The following TRIM62 variants were observed in gnomAD, a reference collection of about 807,000 sequenced individuals.
TRIM62 encodes the protein tripartite motif containing 62.
Under a neutral mutation model 44.2 loss-of-function variants are expected in TRIM62, and 39 were observed. That is an observed-to-expected ratio of 0.88 (90% confidence interval 0.68 to 1.15). TRIM62 has a LOEUF of 1.15. Among genes scored for constraint, TRIM62 ranks in the 50% most tolerant of loss-of-function variants. The pLI is 0.00. For missense variants in TRIM62, 544 were observed against 665.5 expected (o/e 0.82, Z 2.01); for synonymous variants, 278 against 292.3 (o/e 0.95, Z 0.50).
At chr1:33,171,745 C>T (rs964435878) in intron 1 of TRIM62, among the ~76,000 whole-genome samples, 1 of 152,166 alleles carries the variant, frequency 6.6e-6, no homozygotes, top group Admixed American at 6.5e-5. Context: ...ACCCTCCCTC[C>T]ACCTTGGTTT....
chr1:33,165,688 T>G lies in TRIM62; in HGVS notation c.409-122A>C, dbSNP rs1485738536. Reference sequence around the variant, plus strand: ...CTGTCCCCAACCTCCAACACTTGCCTCCCGTCACAGTTCAACCACCAGCAA... The same window carrying G: ...CTGTCCCCAACCTCCAACACTTGCCGCCCGTCACAGTTCAACCACCAGCAA... On this transcript the variant is annotated intron_variant, in intron 1 of 4. Coordinates refer to ENST00000291416, the MANE Select transcript of TRIM62 (RefSeq NM_018207.3). The surrounding 1 kb of genome is among the most constrained non-coding windows in gnomAD (Gnocchi z 4.0). The G allele has an allele frequency of 1.3e-6, 1 of 753,198 alleles. No homozygotes were observed. The highest frequency in any genetic ancestry group is 2.0e-6 in the Non-Finnish European group (1 of 499,384). The allele number at this position is 753,198 out of a possible 1,614,324, so 46.7% of individuals were successfully genotyped here.
At chr1:33,157,605 T>C (rs1370824906) in intron 4 of TRIM62, among the ~76,000 whole-genome samples, 1 of 152,180 alleles carries the variant, frequency 6.6e-6, no homozygotes, top group Non-Finnish European at 1.5e-5. Flanking sequence ...TTTGCCTGTT[T>C]TGCTTACTAT....
rs1311427495 is a variant in TRIM62 at position 33,181,404 on chromosome 1, A to G, written c.29T>C (p.Leu10Pro). The G allele has an allele frequency of 1.9e-6, 3 of 1,602,414 alleles. No individual in the cohort carries two copies. The Admixed American group carries it at 5.1e-5, about 27-fold the overall frequency. ...GTAGATGCTCAGGCAGATGGAGCACAGCAGCTCGTCCTTGAGGCTGCACGC... is the reference window on the plus strand; with the variant it reads ...GTAGATGCTCAGGCAGATGGAGCACGGCAGCTCGTCCTTGAGGCTGCACGC... Reference protein sequence around the residue: MACSLKDELLCSICLSIYQD... With the variant: MACSLKDELPCSICLSIYQD... The change falls in exon 1 of 5, where the codon CTG becomes CCG. Residue 10 changes from leucine to proline, a missense_variant. Leu to Pro is a moderately conservative substitution (Grantham distance 98, BLOSUM62 -3). Transcript: ENST00000291416. This position sits in a 1 kb window ranked among gnomAD's most constrained non-coding sequence, Gnocchi z 6.5.
chr1:33,176,598 C>T lies in TRIM62; in HGVS notation c.408+4427G>A, dbSNP rs575268797. 7.6e-6 allele frequency: 4 copies of T among 523,994 alleles called. No homozygotes were observed. The South Asian group carries it at 1.0e-4, about 13-fold the overall frequency. 32.5% of individuals were successfully genotyped at this position (523,994 alleles called of 1,614,324 possible). A position where few individuals can be genotyped will look rare whatever the true frequency, so the allele number is the denominator to read the frequency against. On this transcript the variant is annotated intron_variant, in intron 1 of 4. Transcript: ENST00000291416. Reference sequence around the variant, plus strand: ...GTCTGCTCTGACCAAGATGACGTCCCAACCACCTGCCCTCGGGGCGTCAGC... The same window carrying T: ...GTCTGCTCTGACCAAGATGACGTCCTAACCACCTGCCCTCGGGGCGTCAGC...
rs1645209631 is a variant in TRIM62 at position 33,158,272 on chromosome 1, C to T, written c.858G>A (p.Leu286=). Residue 286 remains leucine, a synonymous_variant, in exon 4 of 5, where the codon CTG becomes CTA. Coordinates refer to ENST00000291416, the MANE Select transcript of TRIM62 (RefSeq NM_018207.3). ...GPLQYTIWKS[L]FQDIHPVPAA... Reference sequence around the variant, plus strand: ...CCTTACCTGGGTGGATGTCCTGGAACAGGGACTTCCAGATGGTGTACTGCA... The same window carrying T: ...CCTTACCTGGGTGGATGTCCTGGAATAGGGACTTCCAGATGGTGTACTGCA... The T allele has an allele frequency of 1.9e-6, 3 of 1,613,948 alleles. No homozygotes were observed. The highest frequency in any genetic ancestry group is 3.3e-5 in the Admixed American group (2 of 60,016).
chr1:33,170,157 C>G (rs1020147599), intron 1 of TRIM62, among the ~76,000 whole-genome samples: 2 of 152,060 alleles, frequency 1.3e-5, no homozygotes, highest in African/African-American at 4.8e-5. Flanking sequence ...TGGCAAAACC[C>G]CGTCTCTACT....
chr1:33,147,455 G>A lies in TRIM62; in HGVS notation c.1150C>T (p.Arg384Cys), dbSNP rs770417133. Reference sequence around the variant, plus strand: ...TGCATCACGATGCAGTAGAAGCCGCGGCTGGGCTGGATCTGGATGCTGCCC... The same window carrying A: ...TGCATCACGATGCAGTAGAAGCCGCAGCTGGGCTGGATCTGGATGCTGCCC... ...RKGSIQIQPSRGFYCIVMHDG... is the reference protein window; with the variant it reads ...RKGSIQIQPSCGFYCIVMHDG... Residue 384 changes from arginine (R) to cysteine (C), a missense_variant, in exon 5 of 5, where the codon CGC becomes TGC. Physicochemically the swap from Arg to Cys is radical, Grantham distance 180. Transcript: ENST00000291416. The surrounding 1 kb of genome is among the most constrained non-coding windows in gnomAD (Gnocchi z 8.1). 4.3e-6 allele frequency: 7 copies of A among 1,613,890 alleles called. No homozygotes were observed. Among genetic ancestry groups the A allele is most frequent in the East Asian group, 4.5e-5 (2 of 44,896 alleles).
Position 33,145,636 on chromosome 1 carries a change from G to A in TRIM62, c.*1541C>T, listed in dbSNP as rs1645012866. 2 of 278,736 alleles carry A rather than the reference G, an allele frequency of 7.2e-6. No homozygotes were observed. The highest frequency in any genetic ancestry group is 9.9e-5 in the Admixed American group (2 of 20,288). 17.3% of individuals were successfully genotyped at this position (278,736 alleles called of 1,614,324 possible). Reference sequence around the variant, plus strand: ...TGGTGTGTTGTGTCAGAGACCCCAAGTGCAGAATCTAGGCCCCAGGACTAG... The same window carrying A: ...TGGTGTGTTGTGTCAGAGACCCCAAATGCAGAATCTAGGCCCCAGGACTAG... On this transcript the variant is annotated 3_prime_UTR_variant, in exon 5 of 5. Transcript: ENST00000291416.
intron 2 of TRIM62, 67 bp from the exon 3 acceptor site, chr1:33,160,011 G>A (rs1645242079): frequency 2.6e-6 from 4 of 1,564,206 alleles, no homozygotes; most frequent in Non-Finnish European, 3.5e-6. Flanking sequence ...GGTGAGAGGA[G>A]GAAATCGAGA....
intron 4 of TRIM62, among the ~76,000 whole-genome samples, chr1:33,153,119 A>T (rs549388164): frequency 6.4e-4 from 97 of 152,284 alleles, no homozygotes; most frequent in African/African-American, 2.2e-3. Context: ...GTGACCCAAT[A>T]GGAAGCCTGA....
rs1645039702 is a variant in TRIM62 at position 33,147,701 on chromosome 1, C to G, written c.904G>C (p.Gly302Arg). ...PVPAALTLDPGTAHQRLILSD... is the reference protein window; with the variant it reads ...PVPAALTLDPRTAHQRLILSD... ...AGGATCAGGCGCTGGTGGGCTGTGC[C>G]CGGGTCCAGGGTTAGGGCGGCTGGC... Residue 302 changes from glycine to arginine, a missense_variant, in exon 5 of 5, where the codon GGC becomes CGC. Transcript: ENST00000291416. This position sits in a 1 kb window ranked among gnomAD's most constrained non-coding sequence, Gnocchi z 8.1. 6.2e-7 allele frequency: 1 copy of G among 1,612,914 alleles called. No individual in the cohort carries two copies. The highest frequency in any genetic ancestry group is 2.2e-5 in the East Asian group (1 of 44,868).
At chr1:33,156,477 G>A (rs920127254) in intron 4 of TRIM62, among the ~76,000 whole-genome samples, 47 of 152,130 alleles carry the variant, frequency 3.1e-4, no homozygotes, top group African/African-American at 1.0e-3. Context: ...TCCTGGAAAT[G>A]CTTCCTCCAG....
Position 33,145,543 on chromosome 1 carries a change from G to A in TRIM62, c.*1634C>T, listed in dbSNP as rs544349516. On this transcript the variant is annotated 3_prime_UTR_variant, in exon 5 of 5. Coordinates refer to ENST00000291416, the MANE Select transcript of TRIM62 (RefSeq NM_018207.3). ...GGCTGACAATTCCTTTTGCCCAAGG[G>A]AGGCCCGGGTGGCGGGGGCAGCCAT... is the stretch of plus-strand genomic sequence containing the variant. The A allele has an allele frequency of 9.8e-5, 17 of 173,626 alleles. No individual in the cohort carries two copies. The South Asian group carries it at 2.1e-3, about 22-fold the overall frequency. The allele number at this position is 173,626 out of a possible 1,614,324, so 10.8% of individuals were successfully genotyped here. A position where few individuals can be genotyped will look rare whatever the true frequency, so the allele number is the denominator to read the frequency against.
chr1:33,178,105 T>C (rs1645435645), intron 1 of TRIM62, among the ~76,000 whole-genome samples: 1 of 152,160 alleles, frequency 6.6e-6, no homozygotes, highest in African/African-American at 2.4e-5. Flanking sequence ...CAGCTGAGTA[T>C]AGGCCCAGCT....
Position 33,161,041 on chromosome 1 carries a change from G to A in TRIM62, c.505-1097C>T, listed in dbSNP as rs749367827. Reference sequence around the variant, plus strand: ...GCTCTGGGTCTCTAGCTATGGCAACGTCAGTTGCCTAAGAGCTGTGAACCT... The same window carrying A: ...GCTCTGGGTCTCTAGCTATGGCAACATCAGTTGCCTAAGAGCTGTGAACCT... On this transcript the variant is annotated intron_variant, in intron 2 of 4. Coordinates refer to ENST00000291416, the MANE Select transcript of TRIM62 (RefSeq NM_018207.3). This position sits in a 1 kb window ranked among gnomAD's most constrained non-coding sequence, Gnocchi z 4.3. 3.9e-5 allele frequency among the ~76,000 whole-genome samples: 6 copies of A among 152,262 alleles called. No homozygotes were observed. Among genetic ancestry groups the A allele is most frequent in the Non-Finnish European group, 7.3e-5 (5 of 68,042 alleles).
At chr1:33,179,426 G>A (rs1645444271) in intron 1 of TRIM62, among the ~76,000 whole-genome samples, 2 of 152,226 alleles carry the variant, frequency 1.3e-5, no homozygotes, top group African/African-American at 2.4e-5. Context: ...CTAGTGTGTG[G>A]AGGGGTTGGG....
intron 4 of TRIM62, among the ~76,000 whole-genome samples, chr1:33,157,735 G>GAACCT (rs1645199930): frequency 1.3e-5 from 2 of 151,838 alleles, no homozygotes; most frequent in Admixed American, 1.3e-4. Context: ...TTTGCTAATG[G>GAACCT]AACCTATCTC....
intron 1 of TRIM62, among the ~76,000 whole-genome samples, chr1:33,170,029 A>G (rs897352430): frequency 1.3e-5 from 2 of 152,058 alleles, no homozygotes; most frequent in African/African-American, 4.8e-5. Context: ...TTACCTGTCA[A>G]TCTCCCCTAC....
intron 4 of TRIM62, among the ~76,000 whole-genome samples, chr1:33,155,339 G>A (rs538172398): frequency 6.6e-6 from 1 of 152,152 alleles, no homozygotes; most frequent in Admixed American, 6.5e-5. Context: ...CCAAAGTGCT[G>A]GAATTACAGG....
Sources: allele counts gnomAD v4.1 joint callset (sites outside exome capture counted in the v4.1 genomes callset), GRCh38; gene constraint gnomAD v4.1.1; non-coding constraint Gnocchi (gnomAD v3.1); transcripts MANE v1.5; gene names NCBI Gene and HGNC (gene_info 2026-07-23, HGNC 2026-07-21).